Variants in TTN observed in about 807,000 individuals in gnomAD.
TTN encodes connectin.
Under a neutral mutation model 3,223.0 loss-of-function variants are expected in TTN, and 1,525 were observed. That is an observed-to-expected ratio of 0.47 (90% CI 0.45 to 0.49). The LOEUF is 0.49. Among genes scored for constraint, TTN ranks in the 20% least tolerant of loss-of-function variants. TTN has a pLI of 0.00. For missense variants in TTN, 40,786 were observed against 43,424.0 expected, an observed-to-expected ratio of 0.94 and a Z score of 5.40; for synonymous variants, 14,094 against 15,161.0, an observed-to-expected ratio of 0.93 and a Z score of 5.17.
At position 178,534,197 on chromosome 2, in the gene TTN, C is replaced by T. The variant is rs1294610003; in HGVS notation, c.102418G>A (p.Gly34140Arg). Residue 34140 changes from glycine to arginine, a missense_variant, in exon 358 of 363, where the codon GGG becomes AGG. Coordinates refer to ENST00000589042, the MANE Select transcript of TTN (RefSeq NM_001267550.2). The stretch of plus-strand genomic sequence containing the variant: ...TCACCAACTGCATGCATTATCTGCC[C>T]AGAAACTGGGCCAATTTCAATGGAT... ...VASIEIGPVS[G>R]QIMHAVGEEG... The T allele has an allele frequency of 5.6e-6, 9 of 1,613,784 alleles. No homozygotes were observed. The highest frequency in any genetic ancestry group is 7.6e-6 in the Non-Finnish European group (9 of 1,179,856).
chr2:178,766,397 G>A lies in TTN; in HGVS notation c.9687C>T (p.Val3229=). The change falls in exon 41 of 363, where the codon GTC becomes GTT. Residue 3229 remains valine, a synonymous_variant. Transcript: ENST00000589042. ...TFVAGRNRSS[V]TLYVNAPEPP... is the part of the protein sequence containing the mutation. Reference sequence around the variant, plus strand: ...CCTACATACCATTGACATAGAGAGTGACAGAACTCCTGTTCCTTCCTGCCA... The same window carrying A: ...CCTACATACCATTGACATAGAGAGTAACAGAACTCCTGTTCCTTCCTGCCA... 6.2e-7 allele frequency: 1 copy of A among 1,612,734 alleles called. No individual in the cohort carries two copies. The highest frequency in any genetic ancestry group is 8.5e-7 in the Non-Finnish European group (1 of 1,178,772).
chr2:178,534,219 G>A lies in TTN; in HGVS notation c.102396C>T (p.Ser34132=). ...GVSVAKVKVA[S]IEIGPVSGQI... ...GCCCAGAAACTGGGCCAATTTCAATGGATGCCACTTTAACTTTAGCAACAC... is the reference window on the plus strand; with the variant it reads ...GCCCAGAAACTGGGCCAATTTCAATAGATGCCACTTTAACTTTAGCAACAC... Residue 34132 remains serine, a synonymous_variant, in exon 358 of 363, where the codon TCC becomes TCT. Transcript: ENST00000589042. 1 of 1,613,930 alleles carries A rather than the reference G, an allele frequency of 6.2e-7. No individual in the cohort carries two copies. The highest frequency in any genetic ancestry group is 8.5e-7 in the Non-Finnish European group (1 of 1,179,862).
intron 359 of TTN, among the ~76,000 whole-genome samples, chr2:178,529,743 T>G (rs1476178374): frequency 6.6e-6 from 1 of 152,240 alleles, no homozygotes; most frequent in African/African-American, 2.4e-5. Flanking sequence ...ATACCACATA[T>G]AACTAGGTAC....
Position 178,773,538 on chromosome 2 carries a change from T to A in TTN, c.7518A>T (p.Arg2506=). ...AAGGTCCTTCGTCTGAAGCATGAGT[T>A]CGGTTAATGACTAGTCGCTGTTTAG... is the stretch of plus-strand genomic sequence containing the variant. ...KGTKQRLVIN[R]THASDEGPYK... Residue 2506 remains arginine (R), a synonymous_variant, in exon 32 of 363, where the codon CGA becomes CGT. Transcript: ENST00000589042. 1 of 1,614,082 alleles carries A rather than the reference T, an allele frequency of 6.2e-7. No homozygotes were observed. Among genetic ancestry groups the A allele is most frequent in the South Asian group, 1.1e-5 (1 of 91,082 alleles).
At chr2:178,783,695 C>G in intron 17 of TTN, 25 bp downstream of exon 17, 1 of 1,590,420 alleles carries the variant, frequency 6.3e-7, no homozygotes, top group Admixed American at 1.7e-5. Context: ...GAATAGGGTC[C>G]AGCATTATCA....
At position 178,718,989 on chromosome 2, in the gene TTN, C is replaced by T. The variant is rs377340591; in HGVS notation, c.24227-16G>A. The stretch of plus-strand genomic sequence containing the variant: ...GATGGTGGTTCTAGATATTGCAAGG[C>T]GGAAGGGGAGATAAAGAGAAGAAAG... On this transcript the variant is annotated splice_polypyrimidine_tract_variant and intron_variant, in intron 83 of 362. Coordinates refer to ENST00000589042, the MANE Select transcript of TTN (RefSeq NM_001267550.2). 173 of 1,567,736 alleles carry T rather than the reference C, an allele frequency of 1.1e-4. No individual in the cohort carries two copies. Among genetic ancestry groups the T allele is most frequent in the African/African-American group, 2.2e-4 (16 of 73,242 alleles).
chr2:178,733,071 C>A lies in TTN; in HGVS notation c.16105G>T (p.Val5369Phe). Residue 5369 changes from valine to phenylalanine, a missense_variant, in exon 55 of 363, where the codon GTT (valine) becomes TTT (phenylalanine). Physicochemically the swap from Val to Phe is conservative, Grantham distance 50. Transcript: ENST00000589042. ...TCCAGTCTGCAGGTACCATTAACAA[C>A]ACTATCCACGTTGCGCAAGGGTTTG... is the stretch of plus-strand genomic sequence containing the variant. ...FTKPLRNVDS[V>F]VNGTCRLDCK... 6.2e-7 allele frequency: 1 copy of A among 1,609,960 alleles called. No homozygotes were observed. Among genetic ancestry groups the A allele is most frequent in the South Asian group, 1.1e-5 (1 of 90,596 alleles).
rs1163543541 is a variant in TTN at position 178,785,667 on chromosome 2, A to G, written c.2446T>C (p.Phe816Leu). ...DKRPRTASPH[F>L]TVSKISVPKT... Reference sequence around the variant, plus strand: ...GGAACAGAAATTTTTGAAACAGTAAAGTGAGGGCTAGCTGTGCGGGGGCGT... The same window carrying G: ...GGAACAGAAATTTTTGAAACAGTAAGGTGAGGGCTAGCTGTGCGGGGGCGT... The change falls in exon 15 of 363, where the codon TTT becomes CTT. Residue 816 changes from phenylalanine (F) to leucine (L), a missense_variant. By Grantham distance (22) the Phe-to-Leu change is conservative. Transcript: ENST00000589042. 6.2e-7 allele frequency: 1 copy of G among 1,614,004 alleles called. No individual in the cohort carries two copies. The highest frequency in any genetic ancestry group is 2.2e-5 in the East Asian group (1 of 44,882).
Position 178,551,352 on chromosome 2 carries a change from TAATA to T in TTN, c.91271-96_91271-93del, listed in dbSNP as rs1188379780. ...GAACAATACAATTATTCTATAATTT[TAATA>T]AATAAGTAAAATTTTTATAATAAGT... On this transcript the variant is annotated intron_variant, in intron 335 of 362. Coordinates refer to ENST00000589042, the MANE Select transcript of TTN (RefSeq NM_001267550.2). 22 of 1,010,940 alleles carry T rather than the reference TAATA, an allele frequency of 2.2e-5. 1 individual carries two copies. The African/African-American group carries it at 2.4e-4, about 11-fold the overall frequency. The allele number at this position is 1,010,940 out of a possible 1,614,324, so 62.6% of individuals were successfully genotyped here.
In TTN at chr2:178,576,522, T is replaced by C. The variant is rs772528300; in HGVS notation, c.69715+7A>G. The C allele has an allele frequency of 1.9e-6, 3 of 1,611,146 alleles. No individual in the cohort carries two copies. In the South Asian group the frequency reaches 3.3e-5, roughly 18 times the overall value. On this transcript the variant is annotated splice_region_variant and intron_variant, in intron 325 of 362. Coordinates refer to ENST00000589042, the MANE Select transcript of TTN (RefSeq NM_001267550.2). This position sits in a 1 kb window ranked among gnomAD's most constrained non-coding sequence, Gnocchi z 4.3. ...AATGAACGGTGTTGAAAAAGACAAATACTAACATGCTGCATCTTTCATCAG... is the reference window on the plus strand; with the variant it reads ...AATGAACGGTGTTGAAAAAGACAAACACTAACATGCTGCATCTTTCATCAG...
At position 178,598,595 on chromosome 2, in the gene TTN, C is replaced by T; in HGVS notation, c.57022G>A (p.Glu19008Lys). 6.2e-7 allele frequency: 1 copy of T among 1,608,426 alleles called. No homozygotes were observed. Among genetic ancestry groups the T allele is most frequent in the Non-Finnish European group, 8.5e-7 (1 of 1,178,548 alleles). The change falls in exon 292 of 363, where the codon GAG becomes AAG. Residue 19008 changes from glutamate (E) to lysine (K), a missense_variant. Transcript: ENST00000589042. ...TDWTKSSADL[E>K]WSPPLKDGGS... is the part of the protein sequence containing the mutation. ...CCATCTTTTAGTGGGGGAGACCACT[C>T]CAGATCTGCAGATGATTTAGTCCAA...
intron 242 of TTN, among the ~76,000 whole-genome samples, chr2:178,623,002 G>A (rs79927750): frequency 2.6e-3 from 391 of 151,956 alleles, no homozygotes; most frequent in African/African-American, 9.1e-3. Context: ...TAGTGTGCAT[G>A]TGTGTGTGTA....
rs1009537547 is a variant in TTN, at chr2:178,619,011, T to C, written c.46697-158A>G. The C allele has an allele frequency of 1.0e-5, 10 of 987,218 alleles. No homozygotes were observed. The African/African-American group carries it at 1.7e-4, about 16-fold the overall frequency. The allele number at this position is 987,218 out of a possible 1,614,324, so 61.2% of individuals were successfully genotyped here. A position where few individuals can be genotyped will look rare whatever the true frequency, so the allele number is the denominator to read the frequency against. Reference sequence around the variant, plus strand: ...AAAACTAAGTGGCTTAGAGTTCTCATAGCTTTTTGTTGTTGTTGTGCGTGC... The same window carrying C: ...AAAACTAAGTGGCTTAGAGTTCTCACAGCTTTTTGTTGTTGTTGTGCGTGC... On this transcript the variant is annotated intron_variant, in intron 250 of 362. Coordinates refer to ENST00000589042, the MANE Select transcript of TTN (RefSeq NM_001267550.2).
chr2:178,546,426 C>A lies in TTN; in HGVS notation c.94905G>T (p.Leu31635=), dbSNP rs1219593788. ...VTIRAGSDLV[L]DAAVGGKPEP... ...CAGGTTTGCCACCAACTGCAGCATC[C>A]AGAACAAGATCAGAACCTGCTCTGA... Residue 31635 remains leucine (L), a synonymous_variant, in exon 342 of 363, where the codon CTG becomes CTT. Transcript: ENST00000589042. 6.2e-7 allele frequency: 1 copy of A among 1,613,734 alleles called. No homozygotes were observed. Among genetic ancestry groups the A allele is most frequent in the Non-Finnish European group, 8.5e-7 (1 of 1,179,754 alleles).
Position 178,593,773 on chromosome 2 carries a change from G to A in TTN, c.58527C>T (p.Gly19509=). Reference sequence around the variant, plus strand: ...CAATAATATAATTGGTGATTTTACTGCCTCCATCATCTAAAGGAGGCTTCC... The same window carrying A: ...CAATAATATAATTGGTGATTTTACTACCTCCATCATCTAAAGGAGGCTTCC... The part of the protein sequence containing the change: ...ISWKPPLDDG[G]SKITNYIIEK... The change falls in exon 298 of 363, where the codon GGC becomes GGT. Residue 19509 remains glycine (G), a synonymous_variant. Coordinates refer to ENST00000589042, the MANE Select transcript of TTN (RefSeq NM_001267550.2). 6.2e-7 allele frequency: 1 copy of A among 1,613,012 alleles called. No homozygotes were observed. The highest frequency in any genetic ancestry group is 8.5e-7 in the Non-Finnish European group (1 of 1,179,576).
rs747049404 is a variant in TTN at position 178,584,868 on chromosome 2, G to A, written c.64773C>T (p.Asn21591=). Residue 21591 remains asparagine, a synonymous_variant, in exon 310 of 363, where the codon AAC becomes AAT. Transcript: ENST00000589042. ...WHIPLEDGGS[N]ITNYIVEKCD... is the part of the protein sequence containing the mutation. ...ACTTCTCCACTATATAATTGGTGATGTTACTGCCTCCGTCCTCCAGAGGGA... is the reference window on the plus strand; with the variant it reads ...ACTTCTCCACTATATAATTGGTGATATTACTGCCTCCGTCCTCCAGAGGGA... 6.8e-6 allele frequency: 11 copies of A among 1,613,280 alleles called. No individual in the cohort carries two copies. In the Admixed American group the frequency reaches 1.2e-4, roughly 17 times the overall value.
chr2:178,664,028 G>A lies in TTN; in HGVS notation c.36351C>T (p.Val12117=). 1 of 1,613,222 alleles carries A rather than the reference G, an allele frequency of 6.2e-7. No homozygotes were observed. The highest frequency in any genetic ancestry group is 8.5e-7 in the Non-Finnish European group (1 of 1,179,708). Residue 12117 remains valine, a synonymous_variant, in exon 169 of 363, where the codon GTC becomes GTT. Transcript: ENST00000589042. The part of the protein sequence containing the change: ...VSVVPPKKPE[V]PPVKVPEASK... ...AGTGACAAATACCTTTAACAGGTGGGACTTCAGGCTTTTTAGGAGGCACCA... is the reference window on the plus strand; with the variant it reads ...AGTGACAAATACCTTTAACAGGTGGAACTTCAGGCTTTTTAGGAGGCACCA...
chr2:178,551,181 T>C lies in TTN; in HGVS notation c.91350A>G (p.Gly30450=), dbSNP rs1575504766. 2 of 1,613,570 alleles carry C rather than the reference T, an allele frequency of 1.2e-6. No individual in the cohort carries two copies. Among genetic ancestry groups the C allele is most frequent in the Non-Finnish European group, 1.7e-6 (2 of 1,179,670 alleles). The change falls in exon 336 of 363, where the codon GGA becomes GGG. Residue 30450 remains glycine (G), a synonymous_variant. Transcript: ENST00000589042. ...TLKWNPPLRD[G]GSKIVGYSIE... ...TGCTATAGCCCACAATCTTACTGCCTCCATCACGCAATGGTGGGTTCCATT... is the reference window on the plus strand; with the variant it reads ...TGCTATAGCCCACAATCTTACTGCCCCCATCACGCAATGGTGGGTTCCATT...
At position 178,614,223 on chromosome 2, in the gene TTN, C is replaced by T. The variant is rs794729446; in HGVS notation, c.49174G>A (p.Ala16392Thr). 6.2e-7 allele frequency: 1 copy of T among 1,612,554 alleles called. No individual in the cohort carries two copies. The highest frequency in any genetic ancestry group is 1.3e-5 in the African/African-American group (1 of 74,922). Residue 16392 changes from alanine (A) to threonine (T), a missense_variant, in exon 262 of 363, where the codon GCA (alanine) becomes ACA (threonine). Ala to Thr is a moderately conservative substitution (Grantham distance 58). Transcript: ENST00000589042. ...TTGTGCCACACTTCACTATCAGTTG[C>T]TCGTCTCTCCACAACATAGTTTGTG... ...KITNYVVERR[A>T]TDSEVWHKLS...
Sources: gnomAD v4.1 joint callset for allele counts (sites outside exome capture counted in the v4.1 genomes callset) on GRCh38, gnomAD v4.1.1 for gene constraint, Gnocchi (gnomAD v3.1) non-coding constraint, MANE v1.5 for transcripts, NCBI Gene and HGNC (gene_info 2026-07-23, HGNC 2026-07-21) for gene names.